The following MYH13 variants were observed in gnomAD, a reference collection of about 807,000 sequenced individuals.
The protein encoded by MYH13 is myosin heavy chain 13, also known as myosin-13.
Under a neutral mutation model 232.1 loss-of-function variants are expected in MYH13, and 177 were observed. The observed-to-expected ratio is 0.76, with a 90% CI of 0.67 to 0.86. The LOEUF is 0.86. Ranked by LOEUF, MYH13 falls within the 40% of genes least tolerant of loss-of-function variation. The pLI, the probability that MYH13 is intolerant of heterozygous loss-of-function variation, is 0.00. For synonymous variants in MYH13, 884 were observed against 923.5 expected, an observed-to-expected ratio of 0.96 and a Z score of 0.78; for missense variants, 2,246 against 2,405.9, an observed-to-expected ratio of 0.93 and a Z score of 1.39.
At position 10,343,813 on chromosome 17, in the gene MYH13, A is replaced by G; in HGVS notation, c.1881T>C (p.Ala627=). 1 of 1,602,868 alleles carries G rather than the reference A, an allele frequency of 6.2e-7. No homozygotes were observed. Among genetic ancestry groups the G allele is most frequent in the Non-Finnish European group, 8.5e-7 (1 of 1,172,956 alleles). The part of the protein sequence containing the change: ...KLLSFLFSNY[A]GAETGDSGGS... ...ATAGAATTTTACCTGTCTCTGCACC[A>G]GCATAGTTGGAAAAAAGGAAGGAGA... Residue 627 remains alanine, a synonymous_variant, in exon 16 of 41, where the codon GCT becomes GCC. Transcript: ENST00000252172.
intron 29 of MYH13, 38 bp from the exon 30 acceptor site, chr17:10,313,392 G>T: frequency 1.2e-6 from 2 of 1,613,730 alleles, no homozygotes; most frequent in Non-Finnish European, 1.7e-6. Context: ...AAAAACATTT[G>T]ACCCTTTTCC....
At chr17:10,348,783 G>A (rs2071687009) in intron 12 of MYH13, among the ~76,000 whole-genome samples, 1 of 151,962 alleles carries the variant, frequency 6.6e-6, no homozygotes, top group East Asian at 1.9e-4. Context: ...CCTGCTACTT[G>A]GACAGCGGCT....
In MYH13 at chr17:10,313,138, T is replaced by C. The variant is rs376161852; in HGVS notation, c.4181+20A>G. 1.2e-5 allele frequency: 20 copies of C among 1,613,910 alleles called. No homozygotes were observed. In the Admixed American group the frequency reaches 3.3e-4, roughly 27 times the overall value. ...TGTGTCCTCGGGCCCCCTCTGCTAT[T>C]GCCACCCTGGAGCCCCTACTTGGCC... On this transcript the variant is annotated intron_variant, in intron 30 of 40. Transcript: ENST00000252172.
chr17:10,344,461 C>G (rs2071644974), intron 15 of MYH13, among the ~76,000 whole-genome samples: 1 of 151,994 alleles, frequency 6.6e-6, no homozygotes, highest in African/African-American at 2.4e-5. Flanking sequence ...CAGTAGCCAC[C>G]TTAGGAAGAT....
Position 10,319,110 on chromosome 17 carries a change from G to A in MYH13, c.3418C>T (p.Arg1140Cys), listed in dbSNP as rs370613146. Reference sequence around the variant, plus strand: ...TCCAGTTCCCTGGCCAGATCTGAGCGCTGCTTCTCAATCTTGGCTCTGAGC... The same window carrying A: ...TCCAGTTCCCTGGCCAGATCTGAGCACTGCTTCTCAATCTTGGCTCTGAGC... Reference protein sequence around the residue: ...HTLRAKIEKQRSDLARELEEI... With the variant: ...HTLRAKIEKQCSDLARELEEI... Residue 1140 changes from arginine to cysteine, a missense_variant, in exon 27 of 41, where the codon CGC becomes TGC. By Grantham distance (180) the Arg-to-Cys change is radical. Transcript: ENST00000252172. 1.6e-5 allele frequency: 26 copies of A among 1,613,998 alleles called. No homozygotes were observed. Among genetic ancestry groups the A allele is most frequent in the Middle Eastern group, 1.6e-4 (1 of 6,084 alleles).
Position 10,312,047 on chromosome 17 carries a change from G to T in MYH13, c.4395C>A (p.Asp1465Glu), listed in dbSNP as rs760233774. 6.2e-7 allele frequency: 1 copy of T among 1,613,834 alleles called. No homozygotes were observed. Among genetic ancestry groups the T allele is most frequent in the Admixed American group, 1.7e-5 (1 of 60,020 alleles). Residue 1465 changes from aspartate (D) to glutamate (E), a missense_variant, in exon 32 of 41, where the codon GAC becomes GAA. Physicochemically the swap from Asp to Glu is conservative, Grantham distance 45. Transcript: ENST00000252172. Reference sequence around the variant, plus strand: ...CAGCTTCCAACTCAGCCTGGCTTTCGTCCAGCTTTTGCTTCCACTCTGCAA... The same window carrying T: ...CAGCTTCCAACTCAGCCTGGCTTTCTTCCAGCTTTTGCTTCCACTCTGCAA... ...KVLAEWKQKL[D>E]ESQAELEAAQ...
chr17:10,333,294 G>A (rs1907475936), intron 18 of MYH13, 103 bp from the exon 19 acceptor site: 5 of 802,082 alleles, frequency 6.2e-6, no homozygotes, highest in African/African-American at 1.7e-5. Context: ...TTGAGTGGGA[G>A]AGTCAGTGAG....
At chr17:10,350,092 G>C (rs1015282484) in intron 12 of MYH13, among the ~76,000 whole-genome samples, 1 of 152,108 alleles carries the variant, frequency 6.6e-6, no homozygotes, top group East Asian at 1.9e-4. Flanking sequence ...AGGAAGAACC[G>C]TTCACCATTC....
chr17:10,306,373 G>T lies in MYH13; in HGVS notation c.5466+86C>A. The T allele has an allele frequency of 6.4e-7, 1 of 1,565,764 alleles. No individual in the cohort carries two copies. The highest frequency in any genetic ancestry group is 8.7e-7 in the Non-Finnish European group (1 of 1,148,890). On this transcript the variant is annotated intron_variant, in intron 37 of 40. Coordinates refer to ENST00000252172, the MANE Select transcript of MYH13 (RefSeq NM_003802.3). This position sits in a 1 kb window ranked among gnomAD's most constrained non-coding sequence, Gnocchi z 4.3. ...TGAATTTGCAATCTATTCATTCAGTGGCCTTTTCCCACCATCTCAGTTTCT... is the reference window on the plus strand; with the variant it reads ...TGAATTTGCAATCTATTCATTCAGTTGCCTTTTCCCACCATCTCAGTTTCT...
At chr17:10,362,088 CA>C in intron 5 of MYH13, 29 bp downstream of exon 5, 1 of 1,613,276 alleles carries the variant, frequency 6.2e-7, no homozygotes, top group Admixed American at 1.7e-5. Flanking sequence ...AGGATGGCTT[CA>C]AAAAATATGA....
chr17:10,303,159 C>T, intron 39 of MYH13, 37 bp downstream of exon 39: 1 of 1,586,790 alleles, frequency 6.3e-7, no homozygotes, highest in East Asian at 2.2e-5. Context: ...CAGGGACTGT[C>T]TGTCTGTGGG....
Position 10,312,625 on chromosome 17 carries a change from G to A in MYH13, c.4314C>T (p.Arg1438=), listed in dbSNP as rs1906547909. The part of the protein sequence containing the change: ...EVEDLMRDLE[R]SHTACATLDK... ...CCAGTGTGGCACAGGCGGTGTGGGA[G>A]CGCTCCAGATCCCGCATCAGATCCT... The change falls in exon 31 of 41, where the codon CGC becomes CGT. Residue 1438 remains arginine (R), a synonymous_variant. Coordinates refer to ENST00000252172, the MANE Select transcript of MYH13 (RefSeq NM_003802.3). 1 of 1,613,320 alleles carries A rather than the reference G, an allele frequency of 6.2e-7. No homozygotes were observed. Among genetic ancestry groups the A allele is most frequent in the African/African-American group, 1.3e-5 (1 of 74,866 alleles).
chr17:10,349,596 T>A (rs1334634801), intron 12 of MYH13, among the ~76,000 whole-genome samples: 2 of 152,036 alleles, frequency 1.3e-5, no homozygotes, highest in Non-Finnish European at 2.9e-5. Flanking sequence ...ACCCAAGGTG[T>A]GCCCCCTGGT....
chr17:10,363,006 G>A (rs2071805569), intron 3 of MYH13, among the ~76,000 whole-genome samples: 1 of 152,018 alleles, frequency 6.6e-6, no homozygotes, highest in African/African-American at 2.4e-5. Context: ...CTCCCCTATT[G>A]CTTCAAGGCT....
intron 12 of MYH13, among the ~76,000 whole-genome samples, chr17:10,349,905 CT>C (rs2071696489): frequency 6.6e-6 from 1 of 152,158 alleles, no homozygotes; most frequent in African/African-American, 2.4e-5. Context: ...TGTTGCCAGG[CT>C]TTAATTCAAG....
rs539772297 is a variant in MYH13, at chr17:10,354,988, A to G, written c.808T>C (p.Leu270=). Residue 270 remains leucine, a synonymous_variant, in exon 10 of 41, where the codon TTA becomes CTA. Coordinates refer to ENST00000252172, the MANE Select transcript of MYH13 (RefSeq NM_003802.3). ...LASADIETYL[L]EKSRVTFQLS... is the part of the protein sequence containing the mutation. ...TGAAACGTCACTCTGGATTTTTCTA[A>G]CAGATCTAAGGTAACAAAAATAACG... The G allele has an allele frequency of 3.4e-5, 55 of 1,610,356 alleles. No homozygotes were observed. In the South Asian group the frequency reaches 5.4e-4, roughly 16 times the overall value.
chr17:10,309,879 A>C, intron 33 of MYH13, 49 bp from the exon 34 acceptor site: 1 of 1,448,712 alleles, frequency 6.9e-7, no homozygotes, highest in East Asian at 2.5e-5. Context: ...ATCCACCTTC[A>C]TGAATGGGTA....
intron 29 of MYH13, 121 bp from the exon 30 acceptor site, chr17:10,313,475 C>T (rs1410027158): frequency 4.8e-6 from 7 of 1,466,512 alleles, no homozygotes; most frequent in Middle Eastern, 1.8e-4. Flanking sequence ...ACCAATTTTG[C>T]CATATCAGCA....
chr17:10,346,992 C>G (rs2071671586), intron 12 of MYH13, among the ~76,000 whole-genome samples, 194 bp from the exon 13 acceptor site: 1 of 152,164 alleles, frequency 6.6e-6, no homozygotes, highest in South Asian at 2.1e-4. Flanking sequence ...TCAGGAACTT[C>G]CAATTTGCCT....
Sources: gnomAD v4.1 joint callset for allele counts (sites outside exome capture counted in the v4.1 genomes callset) on GRCh38, gnomAD v4.1.1 for gene constraint, Gnocchi (gnomAD v3.1) non-coding constraint, MANE v1.5 for transcripts, NCBI Gene and HGNC (gene_info 2026-07-23, HGNC 2026-07-21) for gene names.